HPS1: variants seen among roughly 807,000 people sequenced by gnomAD.
HPS1 encodes the protein HPS1 biogenesis of lysosomal organelles complex 3 subunit 1, also known as BLOC-3 complex member HPS1.
A neutral mutation model predicts 90.6 loss-of-function variants in HPS1; 59 were observed. The ratio of observed to expected loss-of-function variants is 0.65; its 90% CI spans 0.53 to 0.81. The LOEUF (loss-of-function observed/expected upper bound fraction) is 0.81, where lower values mean the gene tolerates loss of function less well. Ranked by LOEUF, HPS1 falls within the 30% of genes least tolerant of loss-of-function variation. The pLI, the probability that HPS1 is intolerant of heterozygous loss-of-function variation, is 0.00. For missense variants in HPS1, 849 were observed against 896.7 expected (o/e 0.95, Z 0.68); for synonymous variants, 388 against 384.4 (o/e 1.01, Z -0.11).
chr10:98,431,592 T>G (rs996679227), intron 6 of HPS1, among the ~76,000 whole-genome samples: 2 of 152,146 alleles, frequency 1.3e-5, no homozygotes, highest in East Asian at 3.8e-4. Context: ...AGAGACCTCC[T>G]TGGGTAGGGT....
rs187782642 is a variant in HPS1, at chr10:98,443,861, C to T, written c.1-621G>A. ...CAGCCTGGCCAACATGGTGAAACCC[C>T]GTCTCTACTAAAAATACAAAAATTA... On this transcript the variant is annotated intron_variant, in intron 2 of 19. Transcript: ENST00000361490. 3.4e-3 allele frequency among the ~76,000 whole-genome samples: 523 copies of T among 152,168 alleles called. 5 individuals are homozygous for T. The highest frequency in any genetic ancestry group is 0.011 in the African/African-American group (445 of 41,516).
At chr10:98,423,696 AG>A in intron 15 of HPS1, 28 bp from the exon 16 acceptor site, 1 of 1,614,088 alleles carries the variant, frequency 6.2e-7, no homozygotes, top group Non-Finnish European at 8.5e-7. Context: ...GGCTGCGTGA[AG>A]GAAGTACGGG....
intron 3 of HPS1, among the ~76,000 whole-genome samples, chr10:98,438,656 G>A (rs1040473135): frequency 2.0e-5 from 3 of 152,230 alleles, no homozygotes; most frequent in Non-Finnish European, 2.9e-5. Context: ...TGTTTAAAAG[G>A]GAAGCAGAAC....
At chr10:98,421,804 G>A (rs1162347384) in intron 17 of HPS1, among the ~76,000 whole-genome samples, 1 of 152,202 alleles carries the variant, frequency 6.6e-6, no homozygotes, top group Non-Finnish European at 1.5e-5. Flanking sequence ...TTCTACAGAT[G>A]AGGAAACTGA....
In HPS1 at chr10:98,422,378, G is replaced by A. The variant is rs2136122731; in HGVS notation, c.1734C>T (p.Val578=). The change falls in exon 17 of 20, where the codon GTC becomes GTT. Residue 578 remains valine, a synonymous_variant. Coordinates refer to ENST00000361490, the MANE Select transcript of HPS1 (RefSeq NM_000195.5). ...ELGKGPLAAF[V]KTKVWSLIQL... is the part of the protein sequence containing the mutation. ...GGGTCCAAATGGTTACCTTAGTTTT[G>A]ACAAAGGCAGCCAGCGGCCCCTTGC... The A allele has an allele frequency of 6.9e-7, 1 of 1,446,692 alleles. No individual in the cohort carries two copies. Among genetic ancestry groups the A allele is most frequent in the Non-Finnish European group, 9.5e-7 (1 of 1,053,170 alleles). The allele number at this position is 1,446,692 out of a possible 1,614,324, so 89.6% of individuals were successfully genotyped here.
At chr10:98,422,788 A>G (rs906496988) in intron 16 of HPS1, among the ~76,000 whole-genome samples, 15 of 152,336 alleles carry the variant, frequency 9.8e-5, no homozygotes, top group African/African-American at 3.1e-4. Context: ...CATCATTTTC[A>G]TGAGGGATGA....
Position 98,424,369 on chromosome 10 carries a change from G to C in HPS1, c.1341C>G (p.Thr447=), listed in dbSNP as rs990213443. The part of the protein sequence containing the change: ...KNRGAQEIQS[T]WLEFKAKAFS... ...AAGCCTTGGCCTTAAACTCCAGCCAGGTGCTCTGGAAGGAAGACAGGGGGC... is the reference window on the plus strand; with the variant it reads ...AAGCCTTGGCCTTAAACTCCAGCCACGTGCTCTGGAAGGAAGACAGGGGGC... Residue 447 remains threonine (T), a synonymous_variant, in exon 14 of 20, where the codon ACC becomes ACG. Transcript: ENST00000361490. 5.0e-6 allele frequency: 8 copies of C among 1,612,268 alleles called. No homozygotes were observed. The Admixed American group carries it at 1.0e-4, about 20-fold the overall frequency.
chr10:98,418,311 G>A, intron 18 of HPS1, 54 bp from the exon 19 acceptor site: 1 of 1,034,504 alleles, frequency 9.7e-7, no homozygotes, highest in Non-Finnish European at 1.5e-6. Context: ...AAGGGCCTGA[G>A]TCAGACGCAC....
chr10:98,417,601 C>G lies in HPS1; in HGVS notation c.2066G>C (p.Arg689Pro), dbSNP rs147125175. The G allele has an allele frequency of 6.2e-7, 1 of 1,612,284 alleles. No homozygotes were observed. Among genetic ancestry groups the G allele is most frequent in the South Asian group, 1.1e-5 (1 of 90,978 alleles). The part of the protein sequence containing the change: ...LLVQQAGQLA[R>P]RLWEASRIPL... ...GATACGGGAGGCCTCCCAGAGGCGC[C>G]GGGCCAGCTGGCCGGCCTGCTGCAC... Residue 689 changes from arginine to proline, a missense_variant, in exon 20 of 20, where the codon CGG becomes CCG. Transcript: ENST00000361490. This position sits in a 1 kb window ranked among gnomAD's most constrained non-coding sequence, Gnocchi z 4.2.
In HPS1 at chr10:98,429,639, T is replaced by A. The variant is rs1292414945; in HGVS notation, c.871A>T (p.Thr291Ser). Residue 291 changes from threonine to serine, a missense_variant, in exon 10 of 20, where the codon ACA becomes TCA. Coordinates refer to ENST00000361490, the MANE Select transcript of HPS1 (RefSeq NM_000195.5). The stretch of plus-strand genomic sequence containing the variant: ...TCCTCAGGGAGGGAGAAGCTGTCTG[T>A]CTCCTGGAATGGAGAAGGTGGCTCA... ...PTGGSSAETE[T>S]DSFSLPEEYF... The A allele has an allele frequency of 1.9e-6, 3 of 1,614,048 alleles. No individual in the cohort carries two copies. The African/African-American group carries it at 4.0e-5, about 22-fold the overall frequency.
Position 98,423,769 on chromosome 10 carries a change from C to T in HPS1, c.1516G>A (p.Val506Met), listed in dbSNP as rs1271896671. 1 of 1,614,146 alleles carries T rather than the reference C, an allele frequency of 6.2e-7. No homozygotes were observed. Among genetic ancestry groups the T allele is most frequent in the African/African-American group, 1.3e-5 (1 of 75,076 alleles). ...TGCACTTACCGCATGAGCCTCTGCA[C>T]TTGGTCCTGCAGGTGCTGGGGCAGG... ...PHLPQHLQDQ[V>M]QRLMREKLTD... Residue 506 changes from valine to methionine, a missense_variant, in exon 15 of 20, where the codon GTG (valine) becomes ATG (methionine). Val to Met is a conservative substitution (Grantham distance 21, BLOSUM62 1). Transcript: ENST00000361490.
chr10:98,423,285 C>A lies in HPS1; in HGVS notation c.1598+318G>T, dbSNP rs540802307. On this transcript the variant is annotated intron_variant, in intron 16 of 19. Transcript: ENST00000361490. The stretch of plus-strand genomic sequence containing the variant: ...ACCAAACTAGACCACAGGAACCCCC[C>A]CCCCGGTCCCCACCCCTCGTGGAAT... Among the ~76,000 whole-genome samples the A allele has an allele frequency of 2.7e-4, 40 of 150,326 alleles. 1 individual carries two copies. The highest frequency in any genetic ancestry group is 7.4e-4 in the African/African-American group (30 of 40,364).
Position 98,423,584 on chromosome 10 carries a change from G to A in HPS1, c.1598+19C>T. On this transcript the variant is annotated intron_variant, in intron 16 of 19. Coordinates refer to ENST00000361490, the MANE Select transcript of HPS1 (RefSeq NM_000195.5). The stretch of plus-strand genomic sequence containing the variant: ...CCAAGAGGCTTGTTGGGCTGGCTGG[G>A]GCCCCGGCGTCAGGATATGACACCA... The A allele has an allele frequency of 6.2e-7, 1 of 1,613,388 alleles. No homozygotes were observed. Among genetic ancestry groups the A allele is most frequent in the Non-Finnish European group, 8.5e-7 (1 of 1,179,522 alleles).
At chr10:98,446,260 C>T (rs530777499) in intron 1 of HPS1, among the ~76,000 whole-genome samples, 1 of 152,292 alleles carries the variant, frequency 6.6e-6, no homozygotes, top group Admixed American at 6.5e-5. Flanking sequence ...GCCATATTCC[C>T]GAAACAGGGG....
Position 98,435,632 on chromosome 10 carries a change from C to T in HPS1, c.255+3G>A, listed in dbSNP as rs565050234. 2 of 1,614,162 alleles carry T rather than the reference C, an allele frequency of 1.2e-6. No homozygotes were observed. Among genetic ancestry groups the T allele is most frequent in the East Asian group, 4.5e-5 (2 of 44,884 alleles). On this transcript the variant is annotated splice_donor_region_variant and intron_variant, in intron 4 of 19. Transcript: ENST00000361490. The surrounding 1 kb of genome is among the most constrained non-coding windows in gnomAD (Gnocchi z 4.3). ...AACATGGGCCCCAGAGCTATAGACT[C>T]ACCAGGTGAAGGACATACAGGAAGT...
chr10:98,427,921 A>G (rs746526206), intron 10 of HPS1, among the ~76,000 whole-genome samples: 2 of 152,232 alleles, frequency 1.3e-5, no homozygotes, highest in Non-Finnish European at 2.9e-5. Flanking sequence ...CAAATGGATG[A>G]GTGCAACCCA....
Position 98,435,362 on chromosome 10 carries a change from C to T in HPS1, c.308G>A (p.Gly103Glu), listed in dbSNP as rs747026790. Residue 103 changes from glycine to glutamate, a missense_variant, in exon 5 of 20, where the codon GGG becomes GAG. By Grantham distance (98) the Gly-to-Glu change is moderately conservative (BLOSUM62 -2). Transcript: ENST00000361490. The surrounding 1 kb of genome is among the most constrained non-coding windows in gnomAD (Gnocchi z 4.3). Reference sequence around the variant, plus strand: ...CACATACAGCTTCCGCCGCAGGTCCCCCTCGCTCTCGGTGTGGTCACCATT... The same window carrying T: ...CACATACAGCTTCCGCCGCAGGTCCTCCTCGCTCTCGGTGTGGTCACCATT... ...AINGDHTESE[G>E]DLRRKLYVLK... 5.6e-6 allele frequency: 9 copies of T among 1,614,024 alleles called. No homozygotes were observed. The East Asian group carries it at 1.8e-4, about 32-fold the overall frequency.
At position 98,435,711 on chromosome 10, in the gene HPS1, G is replaced by A. The variant is rs200004304; in HGVS notation, c.179C>T (p.Thr60Met). 218 of 1,613,974 alleles carry A rather than the reference G, an allele frequency of 1.4e-4. No homozygotes were observed. The highest frequency in any genetic ancestry group is 7.4e-5 in the Non-Finnish European group (87 of 1,179,944). ...LLAPVIISSMTMLEKLSDTYT... is the reference protein window; with the variant it reads ...LLAPVIISSMMMLEKLSDTYT... ...GGTGTCCGAGAGCTTCTCCAGCATC[G>A]TCATGGAGGAGATGATGACCGGGGC... is the stretch of plus-strand genomic sequence containing the variant. The change falls in exon 4 of 20, where the codon ACG becomes ATG. Residue 60 changes from threonine (T) to methionine (M), a missense_variant. Thr to Met is a moderately conservative substitution (Grantham distance 81). Transcript: ENST00000361490. The surrounding 1 kb of genome is among the most constrained non-coding windows in gnomAD (Gnocchi z 4.3).
Position 98,421,176 on chromosome 10 carries a change from C to T in HPS1, c.1744-1018G>A, listed in dbSNP as rs115082987. Among the ~76,000 whole-genome samples, 427 of 152,334 alleles carry T rather than the reference C, an allele frequency of 2.8e-3. 1 individual carries two copies. The highest frequency in any genetic ancestry group is 9.7e-3 in the African/African-American group (402 of 41,566). ...ACAGGCGATCTGCTCCAAACTGCAT[C>T]GCCGTGTGATTACTCATTAAATCTG... On this transcript the variant is annotated intron_variant, in intron 17 of 19. Transcript: ENST00000361490.
Sources: allele counts gnomAD v4.1 joint callset (sites outside exome capture counted in the v4.1 genomes callset), GRCh38; gene constraint gnomAD v4.1.1; non-coding constraint Gnocchi (gnomAD v3.1); transcripts MANE v1.5; gene names NCBI Gene and HGNC (gene_info 2026-07-23, HGNC 2026-07-21).